Variants in AP3D1 observed in about 807,000 individuals in gnomAD.
The protein encoded by AP3D1 is adaptor related protein complex 3 subunit delta 1.
In AP3D1, 51 loss-of-function variants were observed where a neutral mutation model predicts 147.6. That is an observed-to-expected ratio of 0.35 (90% CI 0.28 to 0.44). The LOEUF is 0.44. AP3D1 is among the 20% of genes least tolerant of loss of function. The probability of loss-of-function intolerance (pLI) is 1.00; values close to 1 mark genes in which losing one functional copy is unlikely to be tolerated. For synonymous variants in AP3D1, 760 were observed against 663.0 expected (o/e 1.15, Z -2.25); for missense variants, 1,421 against 1,624.2 (o/e 0.87, Z 2.15).
chr19:2,121,450 G>A lies in AP3D1; in HGVS notation c.1102-139C>T, dbSNP rs553585918. 5.9e-6 allele frequency: 7 copies of A among 1,195,608 alleles called. No homozygotes were observed. The South Asian group carries it at 8.6e-5, about 15-fold the overall frequency. The allele number at this position is 1,195,608 out of a possible 1,614,324, so 74.1% of individuals were successfully genotyped here. A position where few individuals can be genotyped will look rare whatever the true frequency, so the allele number is the denominator to read the frequency against. On this transcript the variant is annotated intron_variant, in intron 12 of 31. Coordinates refer to ENST00000643116, the MANE Select transcript of AP3D1 (RefSeq NM_001261826.3). ...TTCACAGATCGATGCCAGGGAGGCA[G>A]CAGGCCCCTGCGATGTGGGCTGGGT...
chr19:2,112,194 G>A (rs190527037), intron 24 of AP3D1: 6 of 266,312 alleles, frequency 2.3e-5, no homozygotes, highest in East Asian at 1.8e-4. Context: ...TGTTCAAAGC[G>A]GCATACTGTG....
intron 28 of AP3D1, 21 bp from the exon 29 acceptor site, chr19:2,109,979 T>C: frequency 6.2e-7 from 1 of 1,612,666 alleles, no homozygotes; most frequent in Non-Finnish European, 8.5e-7. Context: ...GTGAAGGTGG[T>C]GCAGTTGAGA....
intron 31 of AP3D1, among the ~76,000 whole-genome samples, chr19:2,103,016 C>T (rs756378495): frequency 6.0e-5 from 9 of 149,982 alleles, no homozygotes; most frequent in Non-Finnish European, 3.0e-5. Flanking sequence ...CCCAGCTATG[C>T]GGGAGGCTGA....
chr19:2,137,246 G>A (rs982672235), intron 3 of AP3D1, among the ~76,000 whole-genome samples, 155 bp from the exon 4 acceptor site: 2 of 152,046 alleles, frequency 1.3e-5, no homozygotes, highest in African/African-American at 2.4e-5. Flanking sequence ...GAACCAACCC[G>A]CATTTGAAAA....
intron 17 of AP3D1, 133 bp downstream of exon 17, chr19:2,116,472 G>T: frequency 7.7e-7 from 1 of 1,292,782 alleles, no homozygotes; most frequent in Non-Finnish European, 1.0e-6. Flanking sequence ...CTAACGCTCT[G>T]GGAGGCAGGG....
intron 15 of AP3D1, among the ~76,000 whole-genome samples, chr19:2,117,666 G>A (rs570526452): frequency 5.3e-5 from 8 of 152,332 alleles, no homozygotes; most frequent in Non-Finnish European, 1.0e-4. Context: ...CACCTCCCTC[G>A]GCCCCCGCGG....
At chr19:2,110,333 T>C (rs139372938) in intron 27 of AP3D1, 109 bp from the exon 28 acceptor site, 7 of 935,326 alleles carry the variant, frequency 7.5e-6, no homozygotes, top group Non-Finnish European at 1.0e-5. Context: ...ATTAGGAAAC[T>C]GAGCTCAGCC....
chr19:2,113,647 T>G (rs1328051413), intron 22 of AP3D1, among the ~76,000 whole-genome samples: 2 of 152,208 alleles, frequency 1.3e-5, no homozygotes, highest in Non-Finnish European at 2.9e-5. Context: ...TGGGTGGGTG[T>G]GTGCCATTCC....
chr19:2,113,333 T>TA lies in AP3D1; in HGVS notation c.2679+2dup. The stretch of plus-strand genomic sequence containing the variant: ...TGGCACTGGCCAGCTGCCAGTCTCT[T>TA]ACCGTGGATGGAACGGGGGCGGGGG... On this transcript the variant is annotated splice_region_variant and intron_variant, in intron 23 of 31. Coordinates refer to ENST00000643116, the MANE Select transcript of AP3D1 (RefSeq NM_001261826.3). 1 of 921,912 alleles carries TA rather than the reference T, an allele frequency of 1.1e-6. No individual in the cohort carries two copies. The highest frequency in any genetic ancestry group is 1.5e-6 in the Non-Finnish European group (1 of 676,996). The allele number at this position is 921,912 out of a possible 1,614,324, so 57.1% of individuals were successfully genotyped here. A position where few individuals can be genotyped will look rare whatever the true frequency, so the allele number is the denominator to read the frequency against.
rs1290046986 is a variant in AP3D1, at chr19:2,110,100, A to C, written c.3264+36T>G. On this transcript the variant is annotated intron_variant, in intron 28 of 31. Transcript: ENST00000643116. ...GGGCAGGAGGAGCCCCTGCCTGCAGAGTCGGCTCTTCAACGCCAAGTGGAG... is the reference window on the plus strand; with the variant it reads ...GGGCAGGAGGAGCCCCTGCCTGCAGCGTCGGCTCTTCAACGCCAAGTGGAG... 4.4e-6 allele frequency: 7 copies of C among 1,602,848 alleles called. No individual in the cohort carries two copies. The South Asian group carries it at 7.7e-5, about 18-fold the overall frequency.
intron 4 of AP3D1, among the ~76,000 whole-genome samples, chr19:2,135,829 T>C (rs2019061602): frequency 6.6e-6 from 1 of 152,080 alleles, no homozygotes; most frequent in Admixed American, 6.5e-5. Context: ...CACGTGGCCC[T>C]CCTTGCTGGG....
chr19:2,103,804 G>C (rs941396749), intron 31 of AP3D1, among the ~76,000 whole-genome samples: 1 of 152,182 alleles, frequency 6.6e-6, no homozygotes. Flanking sequence ...CACTCATACA[G>C]AGAGGCCCTC....
chr19:2,135,850 C>A (rs1280288369), intron 4 of AP3D1, among the ~76,000 whole-genome samples: 1 of 152,136 alleles, frequency 6.6e-6, no homozygotes, highest in Non-Finnish European at 1.5e-5. Flanking sequence ...CAGCTGCCAC[C>A]TGGGTACCTA....
chr19:2,121,166 T>A lies in AP3D1; in HGVS notation c.1247A>T (p.Glu416Val). ...CACCCCTGGGAGCGGGACGCACCAC[T>A]CGAAGTTGGTGATGTACTGGTAGTT... ...QSNYQYITNF[E>V]WYISILVELT... Residue 416 changes from glutamate to valine, a missense_variant, in exon 13 of 32, where the codon GAG becomes GTG. Coordinates refer to ENST00000643116, the MANE Select transcript of AP3D1 (RefSeq NM_001261826.3). 1 of 1,614,126 alleles carries A rather than the reference T, an allele frequency of 6.2e-7. No individual in the cohort carries two copies. The highest frequency in any genetic ancestry group is 1.3e-5 in the African/African-American group (1 of 75,038).
At chr19:2,158,125 G>T (rs539572564) in intron 1 of AP3D1, among the ~76,000 whole-genome samples, 1 of 151,778 alleles carries the variant, frequency 6.6e-6, no homozygotes, top group Non-Finnish European at 1.5e-5. Context: ...GTGCGATCTC[G>T]GCTCACTGCA....
chr19:2,115,014 T>C (rs2018400163), intron 20 of AP3D1, among the ~76,000 whole-genome samples, 193 bp from the exon 21 acceptor site: 1 of 152,158 alleles, frequency 6.6e-6, no homozygotes. Flanking sequence ...CCAACCTGCA[T>C]CTGCCTCTGA....
Position 2,119,281 on chromosome 19 carries a change from G to A in AP3D1, c.1482-449C>T, listed in dbSNP as rs1237750492. On this transcript the variant is annotated intron_variant, in intron 14 of 31. Coordinates refer to ENST00000643116, the MANE Select transcript of AP3D1 (RefSeq NM_001261826.3). ...CAATAAGAAAATGATAGAAGTGGCC[G>A]GGTGTGGTGGCTCACGCCTATAATC... Among the ~76,000 whole-genome samples, 5 of 152,216 alleles carry A rather than the reference G, an allele frequency of 3.3e-5. No homozygotes were observed. The South Asian group carries it at 8.3e-4, about 25-fold the overall frequency.
upstream of AP3D1, among the ~76,000 whole-genome samples, chr19:2,154,191 G>A (rs1007251860): frequency 1.3e-5 from 2 of 151,658 alleles, no homozygotes; most frequent in Admixed American, 6.6e-5. Context: ...CAGGTGATCC[G>A]CCTTCCTTGG....
chr19:2,113,190 CG>C (rs1453976215), intron 23 of AP3D1, 145 bp downstream of exon 23: 10 of 636,158 alleles, frequency 1.6e-5, no homozygotes, highest in African/African-American at 5.6e-5. Flanking sequence ...AGCATGACCC[CG>C]GCTCCACTCA....
Sources: allele counts gnomAD v4.1 joint callset (sites outside exome capture counted in the v4.1 genomes callset), GRCh38; gene constraint gnomAD v4.1.1; transcripts MANE v1.5; gene names NCBI Gene and HGNC (gene_info 2026-07-23, HGNC 2026-07-21).